Variants in ENPP1 observed in about 807,000 individuals in gnomAD.
ENPP1 encodes the protein ectonucleotide pyrophosphatase/phosphodiesterase 1, also known as ectonucleotide pyrophosphatase/phosphodiesterase family member 1.
A neutral mutation model predicts 122.8 loss-of-function variants in ENPP1; 73 were observed. The ratio of observed to expected loss-of-function variants is 0.59; its 90% confidence interval spans 0.49 to 0.72. The LOEUF is 0.72. Ranked by LOEUF, ENPP1 falls within the 30% of genes least tolerant of loss-of-function variation. The pLI, the probability that ENPP1 is intolerant of heterozygous loss-of-function variation, is 0.00. For synonymous variants in ENPP1, 367 were observed against 391.6 expected (o/e 0.94, Z 0.74); for missense variants, 978 against 1,128.1 (o/e 0.87, Z 1.91).
chr6:131,837,457 C>T (rs1363617717), intron 1 of ENPP1, among the ~76,000 whole-genome samples: 14 of 131,576 alleles, frequency 1.1e-4, no homozygotes, highest in African/African-American at 1.1e-4. Context: ...ACCTGGGAGG[C>T]GGAGGTTGCA....
In ENPP1 at chr6:131,892,169, C is replaced by T. The variant is rs935178031; in HGVS notation, c.*1658C>T. The T allele has an allele frequency of 2.6e-5, 4 of 152,132 alleles. No homozygotes were observed. The highest frequency in any genetic ancestry group is 3.2e-3 in the Middle Eastern group (1 of 316). The allele number at this position is 152,132 out of a possible 1,614,324, so 9.4% of individuals were successfully genotyped here. On this transcript the variant is annotated 3_prime_UTR_variant, in exon 25 of 25. Transcript: ENST00000647893. ...TGATGGTCTTTTTTCCATTCGGAAACATTTTCCTGTTTCTTGGTGTGTGGA... is the reference window on the plus strand; with the variant it reads ...TGATGGTCTTTTTTCCATTCGGAAATATTTTCCTGTTTCTTGGTGTGTGGA...
intron 24 of ENPP1, 57 bp from the exon 25 acceptor site, chr6:131,890,284 A>G: frequency 7.3e-7 from 1 of 1,367,062 alleles, no homozygotes. Flanking sequence ...GAGCACTTAT[A>G]GAAGTGAACT....
intron 22 of ENPP1, among the ~76,000 whole-genome samples, chr6:131,884,614 A>G (rs1412110511): frequency 1.3e-5 from 2 of 152,134 alleles, no homozygotes; most frequent in Admixed American, 6.6e-5. Flanking sequence ...TAGTCTCTAC[A>G]AAAAATTTTA....
chr6:131,873,166 TC>T (rs1453000423), intron 15 of ENPP1, 116 bp downstream of exon 15: 2 of 1,192,698 alleles, frequency 1.7e-6, no homozygotes, highest in Non-Finnish European at 2.5e-6. Flanking sequence ...ATGATTCTCT[TC>T]ACTCTAACCC....
At chr6:131,811,442 A>G (rs1781353476) in intron 1 of ENPP1, among the ~76,000 whole-genome samples, 1 of 120,006 alleles carries the variant, frequency 8.3e-6, no homozygotes, top group Non-Finnish European at 1.8e-5. Flanking sequence ...ATATATATGT[A>G]GAGAGTCCGT....
At chr6:131,827,711 C>A in intron 1 of ENPP1, 1 of 669,390 alleles carries the variant, frequency 1.5e-6, no homozygotes. Flanking sequence ...TCAAAGATGG[C>A]TGTGGCCTCT....
intron 16 of ENPP1, 56 bp downstream of exon 16, chr6:131,874,393 A>C: frequency 1.0e-6 from 1 of 975,654 alleles, no homozygotes; most frequent in Non-Finnish European, 1.6e-6. Context: ...ATGATATGCA[A>C]AGTTTTAGAC....
rs773686514 is a variant in ENPP1 at position 131,890,432 on chromosome 6, T to C, written c.2699T>C (p.Phe900Ser). 1.2e-6 allele frequency: 2 copies of C among 1,613,750 alleles called. No individual in the cohort carries two copies. The highest frequency in any genetic ancestry group is 3.3e-5 in the Admixed American group (2 of 60,032). ...TDVEHITGLSFYQQRKEPVSD... is the reference protein window; with the variant it reads ...TDVEHITGLSSYQQRKEPVSD... Reference sequence around the variant, plus strand: ...GTTGAGCACATCACTGGACTCAGCTTCTATCAACAAAGAAAAGAGCCAGTT... The same window carrying C: ...GTTGAGCACATCACTGGACTCAGCTCCTATCAACAAAGAAAAGAGCCAGTT... The change falls in exon 25 of 25, where the codon TTC becomes TCC. Residue 900 changes from phenylalanine to serine, a missense_variant. Around this residue, in one of 3 missense-constraint regions of ENPP1, gnomAD observed 644 missense variants for 781.5 expected, o/e 0.82. Coordinates refer to ENST00000647893, the MANE Select transcript of ENPP1 (RefSeq NM_006208.3).
chr6:131,836,413 C>T (rs943129022), intron 1 of ENPP1, among the ~76,000 whole-genome samples: 10 of 118,350 alleles, frequency 8.4e-5, no homozygotes, highest in East Asian at 2.1e-4. Flanking sequence ...CACACCCAGC[C>T]GAGTGTGTGT....
rs752343485 is a variant in ENPP1, at chr6:131,890,447, A to G, written c.2714A>G (p.Lys905Arg). Residue 905 changes from lysine to arginine, a missense_variant, in exon 25 of 25, where the codon AAA becomes AGA. Lys to Arg is a conservative substitution (Grantham distance 26). Around this residue, in one of 3 missense-constraint regions of ENPP1, gnomAD observed 644 missense variants for 781.5 expected, o/e 0.82. Coordinates refer to ENST00000647893, the MANE Select transcript of ENPP1 (RefSeq NM_006208.3). ...ITGLSFYQQR[K>R]EPVSDILKLK... is the part of the protein sequence containing the mutation. ...GGACTCAGCTTCTATCAACAAAGAAAAGAGCCAGTTTCAGACATTTTAAAG... is the reference window on the plus strand; with the variant it reads ...GGACTCAGCTTCTATCAACAAAGAAGAGAGCCAGTTTCAGACATTTTAAAG... The G allele has an allele frequency of 6.2e-7, 1 of 1,614,032 alleles. No individual in the cohort carries two copies. Among genetic ancestry groups the G allele is most frequent in the East Asian group, 2.2e-5 (1 of 44,886 alleles).
intron 24 of ENPP1, among the ~76,000 whole-genome samples, chr6:131,889,382 C>T (rs11963185): frequency 0.12 from 17,663 of 151,652 alleles, 1,948 homozygotes; most frequent in African/African-American, 0.29. Context: ...TCTCCCTCCT[C>T]CCACCCCCTG....
intron 21 of ENPP1, among the ~76,000 whole-genome samples, chr6:131,883,404 T>C (rs1782337659): frequency 6.6e-6 from 1 of 152,214 alleles, no homozygotes; most frequent in African/African-American, 2.4e-5. Flanking sequence ...CAATTCCTTT[T>C]AGTTGAAATG....
chr6:131,827,728 T>C (rs900395917), intron 1 of ENPP1: 14 of 679,640 alleles, frequency 2.1e-5, no homozygotes, highest in African/African-American at 2.0e-4. Context: ...CTCTTGCCCC[T>C]CCTTCTTGTC....
At chr6:131,881,255 A>C (rs929073138) in intron 20 of ENPP1, among the ~76,000 whole-genome samples, 1 of 152,206 alleles carries the variant, frequency 6.6e-6, no homozygotes, top group African/African-American at 2.4e-5. Context: ...ATATTTATAT[A>C]AAATTTCTTG....
At chr6:131,856,293 A>C (rs1451865853) in intron 6 of ENPP1, among the ~76,000 whole-genome samples, 1 of 151,534 alleles carries the variant, frequency 6.6e-6, no homozygotes, top group African/African-American at 2.4e-5. Context: ...TCTTCTTTTG[A>C]GAAGTGTCTG....
intron 19 of ENPP1, 96 bp from the exon 20 acceptor site, chr6:131,879,784 A>G (rs1452777657): frequency 5.4e-6 from 6 of 1,114,084 alleles, no homozygotes; most frequent in East Asian, 2.4e-5. Context: ...AATCTTCAAT[A>G]TAATTAAGTA....
intron 1 of ENPP1, among the ~76,000 whole-genome samples, chr6:131,837,419 G>A (rs372008611): frequency 2.7e-4 from 41 of 150,948 alleles, no homozygotes; most frequent in East Asian, 7.8e-4. Context: ...CCAGCCACTC[G>A]GGAGGCTGAA....
In ENPP1 at chr6:131,864,507, T is replaced by C; in HGVS notation, c.1027T>C (p.Ser343Pro). The C allele has an allele frequency of 6.2e-7, 1 of 1,600,372 alleles. No homozygotes were observed. Among genetic ancestry groups the C allele is most frequent in the Non-Finnish European group, 8.6e-7 (1 of 1,167,650 alleles). The change falls in exon 10 of 25, where the codon TCA (serine) becomes CCA (proline). Residue 343 changes from serine to proline, a missense_variant and splice_region_variant. Coordinates refer to ENST00000647893, the MANE Select transcript of ENPP1 (RefSeq NM_006208.3). ...ATTTTTGTTTGTTCTTCATTTTAGT[T>C]CAGTACCATTTGAAGAAAGGATTTT... Reference protein sequence around the residue: ...FPDIYKMYNGSVPFEERILAV... With the variant: ...FPDIYKMYNGPVPFEERILAV...
chr6:131,812,932 T>C (rs145809244), intron 1 of ENPP1, among the ~76,000 whole-genome samples: 2,403 of 152,154 alleles, frequency 0.016, 70 homozygotes, highest in African/African-American at 0.053. Flanking sequence ...CTCCCGCTCC[T>C]GGGTTCAAGC....
Sources: allele counts gnomAD v4.1 joint callset (sites outside exome capture counted in the v4.1 genomes callset), GRCh38; gene constraint gnomAD v4.1.1; regional missense constraint gnomAD v4.1.1; transcripts MANE v1.5; gene names NCBI Gene and HGNC (gene_info 2026-07-23, HGNC 2026-07-21).